RBFOX1: variants seen among roughly 807,000 people sequenced by gnomAD.
The protein encoded by RBFOX1 is RNA binding protein fox-1 homolog 1.
A neutral mutation model predicts 57.7 loss-of-function variants in RBFOX1; 8 were observed. That is an observed-to-expected ratio of 0.14 (90% CI 0.08 to 0.25). The LOEUF is 0.25. Ranked by LOEUF, RBFOX1 falls within the 10% of genes least tolerant of loss-of-function variation. The pLI is 1.00. For missense variants in RBFOX1, 611 were observed against 548.5 expected (o/e 1.11, Z -1.14); for synonymous variants, 326 against 222.4 (o/e 1.47, Z -4.15).
intron 4 of RBFOX1, chr16:5,867,382 G>T (rs1436387): frequency 7.4e-5 from 83 of 1,115,190 alleles, no homozygotes; most frequent in Non-Finnish European, 9.2e-5. Context: ...GTTTGAAGTG[G>T]GTTTCTTTTG....
rs571227544 is a variant in RBFOX1, at chr16:5,894,068, A to C, written c.351+26733A>C. On this transcript the variant is annotated intron_variant, in intron 4 of 19. Coordinates refer to the RBFOX1 transcript ENST00000641259. ...ACTGGGGAATGATGGTGGCCTGGCA[A>C]ATGGTCATGGTGTGGGTGAGGGAGG... Among the ~76,000 whole-genome samples, 6 of 152,066 alleles carry C rather than the reference A, an allele frequency of 3.9e-5. No individual in the cohort carries two copies. The East Asian group carries it at 7.8e-4, about 20-fold the overall frequency.
At chr16:6,637,564 T>TCTATATAGTATATATATAAG (rs756936561) in intron 2 of RBFOX1, among the ~76,000 whole-genome samples, 1 of 128,474 alleles carries the variant, frequency 7.8e-6, no homozygotes, top group East Asian at 2.1e-4. Flanking sequence ...ATATATAATA[T>TCTATATAGTATATATATAAG]TCTATATAGT....
chr16:5,778,511 G>C (rs1597214812), intron 3 of RBFOX1, among the ~76,000 whole-genome samples: 1 of 152,146 alleles, frequency 6.6e-6, no homozygotes, highest in Non-Finnish European at 1.5e-5. Context: ...TCACCATTTT[G>C]TCACTACAAA....
intron 3 of RBFOX1, among the ~76,000 whole-genome samples, chr16:6,904,483 C>G (rs1162316450): frequency 6.6e-6 from 1 of 151,518 alleles, no homozygotes; most frequent in African/African-American, 2.4e-5. Flanking sequence ...TGCCTGTAAT[C>G]CCAGCTACTC....
At chr16:7,019,152 C>A (rs1447761539) in intron 3 of RBFOX1, among the ~76,000 whole-genome samples, 1 of 151,620 alleles carries the variant, frequency 6.6e-6, no homozygotes, top group Admixed American at 6.6e-5. Context: ...ATAACCATTC[C>A]TTTGTAATAT....
intron 3 of RBFOX1, among the ~76,000 whole-genome samples, chr16:5,701,023 C>T (rs1279883693): frequency 6.6e-6 from 1 of 152,200 alleles, no homozygotes. Flanking sequence ...ATGTTCACTG[C>T]AAATATGCTG....
At chr16:6,226,640 G>A (rs1191389333) in intron 1 of RBFOX1, among the ~76,000 whole-genome samples, 2 of 152,018 alleles carry the variant, frequency 1.3e-5, no homozygotes, top group Non-Finnish European at 2.9e-5. Context: ...GAAAGCATTG[G>A]CCTCCAAGAG....
At chr16:6,621,872 G>A (rs1286075173) in intron 2 of RBFOX1, among the ~76,000 whole-genome samples, 1 of 152,134 alleles carries the variant, frequency 6.6e-6, no homozygotes, top group East Asian at 1.9e-4. Flanking sequence ...CAAGGTTTGT[G>A]CTCAGTGTGT....
Position 6,915,103 on chromosome 16 carries a change from C to T in RBFOX1, c.-15-136954C>T, listed in dbSNP as rs200793130. Among the ~76,000 whole-genome samples, 3 of 152,294 alleles carry T rather than the reference C, an allele frequency of 2.0e-5. No homozygotes were observed. In the East Asian group the frequency reaches 5.8e-4, roughly 29 times the overall value. On this transcript the variant is annotated intron_variant, in intron 3 of 15. Transcript: ENST00000550418. ...GTGTGAACTGCACACTGAGAACTGG[C>T]CTGCGGTCCTCCAGCTAATCAGTGG...
At chr16:5,848,454 T>C (rs556897837) in intron 3 of RBFOX1, among the ~76,000 whole-genome samples, 159 of 152,220 alleles carry the variant, frequency 1.0e-3, no homozygotes, top group Non-Finnish European at 2.1e-3. Flanking sequence ...CACACAAATA[T>C]GATTCCAGGT....
In RBFOX1 at chr16:6,979,445, T is replaced by G. The variant is rs559895063; in HGVS notation, c.-15-72612T>G. ...AGAAAGTCCTTTGAACAGAAGAAAT[T>G]ACAGTGATTTACAGCATCTGTTCTT... On this transcript the variant is annotated intron_variant, in intron 3 of 15. Transcript: ENST00000550418. Among the ~76,000 whole-genome samples, 22 of 152,318 alleles carry G rather than the reference T, an allele frequency of 1.4e-4. 1 individual carries two copies. The South Asian group carries it at 2.7e-3, about 19-fold the overall frequency.
At chr16:7,038,985 C>G (rs2045350295) in intron 3 of RBFOX1, among the ~76,000 whole-genome samples, 1 of 152,088 alleles carries the variant, frequency 6.6e-6, no homozygotes, top group African/African-American at 2.4e-5. Flanking sequence ...GACTTATAGC[C>G]AGAGCAGTGA....
At chr16:6,008,916 G>A (rs2094943276) in intron 4 of RBFOX1, among the ~76,000 whole-genome samples, 1 of 152,186 alleles carries the variant, frequency 6.6e-6, no homozygotes, top group Admixed American at 6.5e-5. Context: ...ATCAAAGCAG[G>A]AAGAGGTAGA....
chr16:7,501,466 C>T (rs2070832563), intron 4 of RBFOX1, among the ~76,000 whole-genome samples: 1 of 152,160 alleles, frequency 6.6e-6, no homozygotes, highest in Admixed American at 6.5e-5. Context: ...TCCAATAGTG[C>T]TGGGGATATG....
intron 3 of RBFOX1, among the ~76,000 whole-genome samples, chr16:6,942,528 A>G (rs142125048): frequency 7.2e-4 from 110 of 152,078 alleles, no homozygotes; most frequent in African/African-American, 2.5e-3. Context: ...TGAGACTATC[A>G]GTTAGAGCAT....
chr16:6,782,343 C>CA (rs1383209208), intron 3 of RBFOX1, among the ~76,000 whole-genome samples: 5 of 152,108 alleles, frequency 3.3e-5, no homozygotes, highest in African/African-American at 4.8e-5. Context: ...TGCTGTATCC[C>CA]ATAGGTTTCA....
intron 2 of RBFOX1, among the ~76,000 whole-genome samples, chr16:6,322,700 C>T (rs953781395): frequency 6.6e-6 from 1 of 152,120 alleles, no homozygotes; most frequent in Non-Finnish European, 1.5e-5. Flanking sequence ...TCCAGGGAGA[C>T]ACAGTTCTCT....
intron 1 of RBFOX1, among the ~76,000 whole-genome samples, chr16:5,358,568 A>G (rs2341525): frequency 0.84 from 127,573 of 152,190 alleles, 56,888 homozygotes; most frequent in East Asian, 1. Flanking sequence ...ATGCACCTGT[A>G]ATCCCAGCAG....
At chr16:7,696,941 G>A (rs1012871236) in intron 14 of RBFOX1, among the ~76,000 whole-genome samples, 2 of 152,122 alleles carry the variant, frequency 1.3e-5, no homozygotes, top group African/African-American at 4.8e-5. Flanking sequence ...CATCCAGTGT[G>A]GCCCACGGAT....
Sources: gnomAD v4.1 joint callset for allele counts (sites outside exome capture counted in the v4.1 genomes callset) on GRCh38, gnomAD v4.1.1 for gene constraint, MANE v1.5 for transcripts, NCBI Gene and HGNC (gene_info 2026-07-23, HGNC 2026-07-21) for gene names.